OGFOD1: variants seen among roughly 807,000 people sequenced by gnomAD.
The protein encoded by OGFOD1 is prolyl 3-hydroxylase OGFOD1.
In OGFOD1, 54 loss-of-function variants were observed where a neutral mutation model predicts 67.7. The observed-to-expected ratio is 0.80, with a 90% confidence interval of 0.64 to 1.00. The LOEUF (loss-of-function observed/expected upper bound fraction) is 1.00, where lower values mean the gene tolerates loss of function less well. Ranked by LOEUF, OGFOD1 falls within the 50% of genes least tolerant of loss-of-function variation. The pLI is 0.00. For missense variants in OGFOD1, 606 were observed against 646.7 expected (o/e 0.94, Z 0.68); for synonymous variants, 221 against 227.0 (o/e 0.97, Z 0.24).
At chr16:56,452,648 G>T (rs1567542965) in intron 1 of OGFOD1, among the ~76,000 whole-genome samples, 2 of 152,150 alleles carry the variant, frequency 1.3e-5, no homozygotes, top group Non-Finnish European at 2.9e-5. Flanking sequence ...AATGGGGAGA[G>T]TGATAATGTC....
At position 56,466,969 on chromosome 16, in the gene OGFOD1, TA is replaced by T. The variant is rs1279394116; in HGVS notation, c.657+5del. ...GTATCTCCTGTGTCCTTTCACCAGG[TA>T]AAGACTGTAAGCCACAAATAGAGTA... On this transcript the variant is annotated splice_donor_region_variant and intron_variant, in intron 6 of 12. Coordinates refer to ENST00000566157, the MANE Select transcript of OGFOD1 (RefSeq NM_018233.4). 2.5e-6 allele frequency: 4 copies of T among 1,601,796 alleles called. No homozygotes were observed. Among genetic ancestry groups the T allele is most frequent in the Non-Finnish European group, 3.4e-6 (4 of 1,168,928 alleles).
chr16:56,466,926 A>G lies in OGFOD1; in HGVS notation c.616A>G (p.Lys206Glu), dbSNP rs1962926834. 6.2e-7 allele frequency: 1 copy of G among 1,613,910 alleles called. No individual in the cohort carries two copies. Residue 206 changes from lysine (K) to glutamate (E), a missense_variant, in exon 6 of 13, where the codon AAA becomes GAA. By Grantham distance (56) the Lys-to-Glu change is moderately conservative. Transcript: ENST00000566157. ...IVKSLIPSWN[K>E]LVFFEVSPVS... ...CAAGTCTCTTATCCCTTCGTGGAAC[A>G]AACTGGTTTTCTTTGAAGTATCTCC...
intron 2 of OGFOD1, 27 bp downstream of exon 2, chr16:56,453,435 C>T (rs757047191): frequency 1.3e-6 from 2 of 1,598,482 alleles, no homozygotes; most frequent in East Asian, 2.2e-5. Flanking sequence ...CACATTAACT[C>T]TTCCAGCTTG....
rs150171952 is a variant in OGFOD1 at position 56,455,009 on chromosome 16, G to A, written c.300+1601G>A. 2.8e-3 allele frequency: 464 copies of A among 166,110 alleles called. 8 individuals are homozygous for A. Among genetic ancestry groups the A allele is most frequent in the Non-Finnish European group, 9.2e-4 (70 of 75,822 alleles). 10.3% of individuals were successfully genotyped at this position (166,110 alleles called of 1,614,324 possible). A position where few individuals can be genotyped will look rare whatever the true frequency, so the allele number is the denominator to read the frequency against. On this transcript the variant is annotated intron_variant, in intron 2 of 12. Transcript: ENST00000566157. ...GCCTCTTGTTGATTTGGGGCCATAC[G>A]CATCTGATTATTAAAATTGAAACAT...
Position 56,476,147 on chromosome 16 carries a change from A to G in OGFOD1, c.1571A>G (p.Lys524Arg), listed in dbSNP as rs1294625374. 11 of 1,613,674 alleles carry G rather than the reference A, an allele frequency of 6.8e-6. No homozygotes were observed. Among genetic ancestry groups the G allele is most frequent in the South Asian group, 1.1e-5 (1 of 91,074 alleles). Residue 524 changes from lysine (K) to arginine (R), a missense_variant, in exon 13 of 13, where the codon AAG becomes AGG. Physicochemically the swap from Lys to Arg is conservative, Grantham distance 26. Transcript: ENST00000566157. ...ATTAACCACCGAAGCCTGGAACAAA[A>G]GAAAACCTTCCCAAACAGAACAGGT... ...KHINHRSLEQ[K>R]KTFPNRTGFW...
Position 56,476,884 on chromosome 16 carries a change from A to G in OGFOD1, c.*679A>G, listed in dbSNP as rs1012348052. 6 of 152,288 alleles carry G rather than the reference A, an allele frequency of 3.9e-5. No homozygotes were observed. Among genetic ancestry groups the G allele is most frequent in the African/African-American group, 1.4e-4 (6 of 41,448 alleles). 9.4% of individuals were successfully genotyped at this position (152,288 alleles called of 1,614,324 possible). A position where few individuals can be genotyped will look rare whatever the true frequency, so the allele number is the denominator to read the frequency against. On this transcript the variant is annotated 3_prime_UTR_variant, in exon 13 of 13. Transcript: ENST00000566157. ...GGTGGCTCACGCCTGTAATCCCAGC[A>G]CTTGGGAGGCCAAGGCAGGCGGATC...
At chr16:56,464,399 C>T (rs374351437) in intron 4 of OGFOD1, among the ~76,000 whole-genome samples, 1 of 152,052 alleles carries the variant, frequency 6.6e-6, no homozygotes, top group Non-Finnish European at 1.5e-5. Context: ...ATGTAAATAT[C>T]CCATTTCTCA....
At chr16:56,473,298 A>G (rs1480036073) in intron 10 of OGFOD1, among the ~76,000 whole-genome samples, 1 of 152,216 alleles carries the variant, frequency 6.6e-6, no homozygotes, top group East Asian at 1.9e-4. Context: ...TCAAGAATGT[A>G]TGCCACAATT....
intron 4 of OGFOD1, among the ~76,000 whole-genome samples, chr16:56,464,950 A>G (rs1268298633): frequency 1.3e-5 from 2 of 151,770 alleles, no homozygotes; most frequent in African/African-American, 4.8e-5. Flanking sequence ...ATCTGTATAC[A>G]TGTATATACA....
chr16:56,455,491 T>G (rs1365434155), intron 2 of OGFOD1, among the ~76,000 whole-genome samples: 1 of 151,978 alleles, frequency 6.6e-6, no homozygotes, highest in Admixed American at 6.6e-5. Flanking sequence ...AACTCTACTG[T>G]GAATAATTTT....
intron 10 of OGFOD1, among the ~76,000 whole-genome samples, chr16:56,472,817 T>G (rs1274382836): frequency 6.6e-6 from 1 of 152,200 alleles, no homozygotes; most frequent in Non-Finnish European, 1.5e-5. Context: ...CCACTTAATA[T>G]TTCATAAACC....
rs1963583131 is a variant in OGFOD1, at chr16:56,478,719, C to G, written c.*2514C>G. On this transcript the variant is annotated 3_prime_UTR_variant, in exon 13 of 13. Transcript: ENST00000566157. ...AATACCTCACAAGTGTTAAAATGTG[C>G]TTTTTAGTGTCTCCTTTATCTCAGT... is the stretch of plus-strand genomic sequence containing the variant. The G allele has an allele frequency of 6.6e-6, 1 of 152,162 alleles. No individual in the cohort carries two copies. Among genetic ancestry groups the G allele is most frequent in the Non-Finnish European group, 1.5e-5 (1 of 68,028 alleles). The allele number at this position is 152,162 out of a possible 1,614,324, so 9.4% of individuals were successfully genotyped here. A position where few individuals can be genotyped will look rare whatever the true frequency, so the allele number is the denominator to read the frequency against.
Position 56,470,797 on chromosome 16 carries a change from CTGT to C in OGFOD1, c.1285+11_1285+13del. 2.5e-6 allele frequency: 4 copies of C among 1,577,052 alleles called. No individual in the cohort carries two copies. The South Asian group carries it at 3.5e-5, about 14-fold the overall frequency. On this transcript the variant is annotated splice_region_variant and intron_variant, in intron 10 of 12. Transcript: ENST00000566157. ...GGAAAATGAAACAAAGAAAGGTAAG[CTGT>C]TGTTAGGATTTGTCCTTACTTACCA...
intron 1 of OGFOD1, 59 bp downstream of exon 1, chr16:56,451,825 G>A: frequency 4.4e-6 from 7 of 1,573,486 alleles, no homozygotes; most frequent in Non-Finnish European, 6.0e-6. Flanking sequence ...CTCTGAAAAA[G>A]CCCTGGGACT....
rs752118248 is a variant in OGFOD1, at chr16:56,462,496, CTG to C, written c.348-35_348-34del. Reference sequence around the variant, plus strand: ...AAACAGTTGTGACCTAGATCCCACACTGTGGCATAACAAGTTATCTTTTGTTT... The same window carrying C: ...AAACAGTTGTGACCTAGATCCCACACTGGCATAACAAGTTATCTTTTGTTT... On this transcript the variant is annotated intron_variant, in intron 3 of 12. Coordinates refer to ENST00000566157, the MANE Select transcript of OGFOD1 (RefSeq NM_018233.4). 6 of 1,322,112 alleles carry C rather than the reference CTG, an allele frequency of 4.5e-6. No homozygotes were observed. In the Admixed American group the frequency reaches 8.4e-5, roughly 19 times the overall value. The allele number at this position is 1,322,112 out of a possible 1,614,324, so 81.9% of individuals were successfully genotyped here. A position where few individuals can be genotyped will look rare whatever the true frequency, so the allele number is the denominator to read the frequency against.
chr16:56,467,396 C>A, intron 7 of OGFOD1, 103 bp downstream of exon 7: 2 of 1,241,272 alleles, frequency 1.6e-6, no homozygotes, highest in Non-Finnish European at 2.3e-6. Flanking sequence ...GGACCTTGAG[C>A]TTGCCCCTTT....
chr16:56,461,302 TAA>T (rs1279253366), intron 3 of OGFOD1, among the ~76,000 whole-genome samples: 1 of 152,176 alleles, frequency 6.6e-6, no homozygotes, highest in Non-Finnish European at 1.5e-5. Context: ...TCAAAAACCC[TAA>T]CCAAAGGAGT....
chr16:56,454,738 AAT>A, intron 2 of OGFOD1: 1 of 428,456 alleles, frequency 2.3e-6, no homozygotes, highest in South Asian at 1.7e-5. Flanking sequence ...TAAGAGAGTA[AAT>A]AACGAATTTC....
In OGFOD1 at chr16:56,478,834, A is replaced by C. The variant is rs932749461; in HGVS notation, c.*2629A>C. The C allele has an allele frequency of 6.6e-6, 1 of 152,170 alleles. No homozygotes were observed. Among genetic ancestry groups the C allele is most frequent in the Admixed American group, 6.5e-5 (1 of 15,268 alleles). The allele number at this position is 152,170 out of a possible 1,614,324, so 9.4% of individuals were successfully genotyped here. The stretch of plus-strand genomic sequence containing the variant: ...AGGGGAGAGAATCCCTAGGAGCCCA[A>C]CTCTGATGTTGCTGTCAGTTACATC... On this transcript the variant is annotated 3_prime_UTR_variant, in exon 13 of 13. Coordinates refer to ENST00000566157, the MANE Select transcript of OGFOD1 (RefSeq NM_018233.4).
Sources: allele counts gnomAD v4.1 joint callset (sites outside exome capture counted in the v4.1 genomes callset), GRCh38; gene constraint gnomAD v4.1.1; transcripts MANE v1.5; gene names NCBI Gene and HGNC (gene_info 2026-07-23, HGNC 2026-07-21).